The following IPO8 variants were observed in gnomAD, a reference collection of about 807,000 sequenced individuals.
IPO8 encodes importin 8, also known as importin-8.
Under a neutral mutation model 141.2 loss-of-function variants are expected in IPO8, and 65 were observed. That is an observed-to-expected ratio of 0.46 (90% CI 0.38 to 0.57). IPO8 has a LOEUF of 0.57. IPO8 is among the 20% of genes least tolerant of loss of function. IPO8 has a pLI of 0.00. For missense variants in IPO8, 980 were observed against 1,246.8 expected (o/e 0.79, Z 3.22); for synonymous variants, 411 against 420.3 (o/e 0.98, Z 0.27).
chr12:30,695,433 C>G lies in IPO8; in HGVS notation c.84+131G>C. 1 of 710,528 alleles carries G rather than the reference C, an allele frequency of 1.4e-6. No homozygotes were observed. Among genetic ancestry groups the G allele is most frequent in the Non-Finnish European group, 2.4e-6 (1 of 419,194 alleles). The allele number at this position is 710,528 out of a possible 1,614,324, so 44.0% of individuals were successfully genotyped here. On this transcript the variant is annotated intron_variant, in intron 1 of 24. Transcript: ENST00000256079. This position sits in a 1 kb window ranked among gnomAD's most constrained non-coding sequence, Gnocchi z 4.2. ...ACCGGGGGGCAGCGGGGTCGGAGAG[C>G]GGGACCAGCCGTGAGGCGTCAGCCC...
chr12:30,651,923 C>T (rs1046062230), intron 19 of IPO8, among the ~76,000 whole-genome samples: 2 of 151,966 alleles, frequency 1.3e-5, no homozygotes, highest in African/African-American at 4.8e-5. Flanking sequence ...ATTTTCCTAG[C>T]ACTTCAATCA....
chr12:30,669,963 T>G (rs1051854896), intron 9 of IPO8, among the ~76,000 whole-genome samples: 1 of 152,152 alleles, frequency 6.6e-6, no homozygotes, highest in African/African-American at 2.4e-5. Flanking sequence ...AATTCCAAAT[T>G]AAATAATTCT....
chr12:30,664,447 T>A (rs2052933187), intron 13 of IPO8, among the ~76,000 whole-genome samples: 1 of 152,242 alleles, frequency 6.6e-6, no homozygotes, highest in Non-Finnish European at 1.5e-5. Context: ...GTCCTGTTTC[T>A]ATTTCTCCAT....
At chr12:30,666,502 C>T (rs1222597192) in intron 10 of IPO8, among the ~76,000 whole-genome samples, 2 of 152,274 alleles carry the variant, frequency 1.3e-5, no homozygotes, top group East Asian at 3.9e-4. Context: ...TGCATTTACA[C>T]ATCTGTTTCA....
chr12:30,648,727 A>G (rs1323044077), intron 20 of IPO8, among the ~76,000 whole-genome samples: 1 of 152,166 alleles, frequency 6.6e-6, no homozygotes, highest in African/African-American at 2.4e-5. Flanking sequence ...TGAAAAATAT[A>G]AAGTATAAAA....
chr12:30,681,599 A>T, intron 4 of IPO8, 60 bp downstream of exon 4: 8 of 1,517,212 alleles, frequency 5.3e-6, no homozygotes, highest in Non-Finnish European at 7.2e-6. Context: ...CACTCTTTGC[A>T]ACTTCATTAT....
Position 30,630,791 on chromosome 12 carries a change from C to A in IPO8, c.*69G>T, listed in dbSNP as rs1337599145. ...TAAAAGCAGCCCCTCATTTCATCCC[C>A]TTGACCCTCACACTCCTCTTGTGAA... On this transcript the variant is annotated 3_prime_UTR_variant, in exon 25 of 25. Coordinates refer to ENST00000256079, the MANE Select transcript of IPO8 (RefSeq NM_006390.4). 3 of 1,305,702 alleles carry A rather than the reference C, an allele frequency of 2.3e-6. No individual in the cohort carries two copies. The African/African-American group carries it at 4.4e-5, about 19-fold the overall frequency. The allele number at this position is 1,305,702 out of a possible 1,614,324, so 80.9% of individuals were successfully genotyped here.
In IPO8 at chr12:30,671,012, G is replaced by T. The variant is rs143833006; in HGVS notation, c.994C>A (p.Gln332Lys). 4.1e-5 allele frequency: 66 copies of T among 1,613,422 alleles called. No individual in the cohort carries two copies. In the African/African-American group the frequency reaches 8.0e-4, roughly 20 times the overall value. Residue 332 changes from glutamine (Q) to lysine (K), a missense_variant, in exon 9 of 25, where the codon CAA (glutamine) becomes AAA (lysine). Around this residue, in one of 3 missense-constraint regions of IPO8, gnomAD observed 924 missense variants for 1,153.9 expected, o/e 0.80. Transcript: ENST00000256079. The stretch of plus-strand genomic sequence containing the variant: ...CAGGTTATAGAATGAACCACCCCTT[G>T]GTTGAGATAGTTGAATGCTTGCTGA... ...VLQQAFNYLN[Q>K]GVVHSITWKQ...
rs573137414 is a variant in IPO8 at position 30,676,758 on chromosome 12, C to A, written c.640-171G>T. ...AACAGATTCATACGACCATATAGAA[C>A]TTAAATTTTTAAATTTAGAAGACTA... is the stretch of plus-strand genomic sequence containing the variant. On this transcript the variant is annotated intron_variant, in intron 5 of 24. Coordinates refer to ENST00000256079, the MANE Select transcript of IPO8 (RefSeq NM_006390.4). The A allele has an allele frequency of 4.1e-5, 32 of 784,958 alleles. 1 individual carries two copies. The East Asian group carries it at 6.4e-4, about 16-fold the overall frequency. The allele number at this position is 784,958 out of a possible 1,614,324, so 48.6% of individuals were successfully genotyped here.
rs375804608 is a variant in IPO8 at position 30,684,319 on chromosome 12, C to T, written c.305G>A (p.Arg102Gln). 15 of 1,613,810 alleles carry T rather than the reference C, an allele frequency of 9.3e-6. No homozygotes were observed. Among genetic ancestry groups the T allele is most frequent in the Non-Finnish European group, 1.3e-5 (15 of 1,179,934 alleles). ...CACATACCTCACTAAATCTGGAGACCGAATTATTCCTTCCACAATGTTATC... is the reference window on the plus strand; with the variant it reads ...CACATACCTCACTAAATCTGGAGACTGAATTATTCCTTCCACAATGTTATC... Reference protein sequence around the residue: ...IRDNIVEGIIRSPDLVRVQLT... With the variant: ...IRDNIVEGIIQSPDLVRVQLT... Residue 102 changes from arginine to glutamine, a missense_variant, in exon 3 of 25, where the codon CGG (arginine) becomes CAG (glutamine). Arg to Gln is a conservative substitution (Grantham distance 43). Around this residue, in one of 3 missense-constraint regions of IPO8, gnomAD observed 924 missense variants for 1,153.9 expected, o/e 0.80. Transcript: ENST00000256079.
chr12:30,634,382 G>A, intron 22 of IPO8, 96 bp from the exon 23 acceptor site: 21 of 904,040 alleles, frequency 2.3e-5, no homozygotes, highest in South Asian at 9.7e-5. Context: ...ACTACACTCT[G>A]GAAAGGAAAA....
intron 5 of IPO8, chr12:30,676,904 G>A: frequency 1.3e-6 from 2 of 1,522,076 alleles, no homozygotes; most frequent in South Asian, 1.2e-5. Flanking sequence ...ACCCCTTTGA[G>A]GGTCAAACTT....
intron 17 of IPO8, among the ~76,000 whole-genome samples, chr12:30,654,999 T>C (rs545378707): frequency 6.6e-6 from 1 of 152,126 alleles, no homozygotes; most frequent in African/African-American, 2.4e-5. Flanking sequence ...TATATATACA[T>C]GATGGAGTAC....
intron 1 of IPO8, among the ~76,000 whole-genome samples, chr12:30,693,230 T>C (rs1419559945): frequency 6.6e-6 from 1 of 152,174 alleles, no homozygotes; most frequent in Non-Finnish European, 1.5e-5. Context: ...GGACTTCTGG[T>C]CTATAGAAAA....
At chr12:30,690,428 A>C in intron 2 of IPO8, 68 bp downstream of exon 2, 1 of 918,668 alleles carries the variant, frequency 1.1e-6, no homozygotes, top group Admixed American at 2.5e-5. Flanking sequence ...GATATGTAAA[A>C]TTAAAATAAA....
rs775635009 is a variant in IPO8 at position 30,662,352 on chromosome 12, A to G, written c.1730T>C (p.Ile577Thr). 4.3e-6 allele frequency: 7 copies of G among 1,613,762 alleles called. No individual in the cohort carries two copies. Among genetic ancestry groups the G allele is most frequent in the Non-Finnish European group, 5.9e-6 (7 of 1,179,916 alleles). ...CAAGTGTTGGGTCATATCAACAGCA[A>G]TTGAGGCTACCTCTTGACTGTATTC... ...ICEYSQEVAS[I>T]AVDMTQHLAE... is the part of the protein sequence containing the mutation. The change falls in exon 15 of 25, where the codon ATT becomes ACT. Residue 577 changes from isoleucine to threonine, a missense_variant. This residue lies in a region of IPO8 where 924 missense variants were observed against 1,153.9 expected (regional missense o/e 0.80). Coordinates refer to ENST00000256079, the MANE Select transcript of IPO8 (RefSeq NM_006390.4).
intron 8 of IPO8, among the ~76,000 whole-genome samples, chr12:30,671,475 C>T (rs1196094598): frequency 6.6e-6 from 1 of 151,952 alleles, no homozygotes; most frequent in Non-Finnish European, 1.5e-5. Context: ...AGAACGAGAG[C>T]ATCCTGGCTA....
intron 17 of IPO8, among the ~76,000 whole-genome samples, chr12:30,654,292 C>T (rs1436988712): frequency 6.6e-6 from 1 of 150,650 alleles, no homozygotes; most frequent in Non-Finnish European, 1.5e-5. Flanking sequence ...AAACTTGGAA[C>T]ACTGGTCCAG....
At chr12:30,659,747 C>G (rs552435873) in intron 16 of IPO8, among the ~76,000 whole-genome samples, 1 of 150,782 alleles carries the variant, frequency 6.6e-6, no homozygotes, top group Non-Finnish European at 1.5e-5. Flanking sequence ...TCCAGCTACT[C>G]GGGAGGCTGA....
Sources: gnomAD v4.1 joint callset for allele counts (sites outside exome capture counted in the v4.1 genomes callset) on GRCh38, gnomAD v4.1.1 for gene constraint, gnomAD v4.1.1 regional missense constraint, Gnocchi (gnomAD v3.1) non-coding constraint, MANE v1.5 for transcripts, NCBI Gene and HGNC (gene_info 2026-07-23, HGNC 2026-07-21) for gene names.